The following ANKRD55 variants were observed in gnomAD, a reference collection of about 807,000 sequenced individuals.
ANKRD55 encodes ankyrin repeat domain 55.
Under a neutral mutation model 60.6 loss-of-function variants are expected in ANKRD55, and 41 were observed. The observed-to-expected ratio is 0.68, with a 90% CI of 0.53 to 0.88. The LOEUF (loss-of-function observed/expected upper bound fraction) is 0.88. Among genes scored for constraint, ANKRD55 ranks in the 40% least tolerant of loss-of-function variants. The probability of loss-of-function intolerance (pLI) is 0.00; values close to 1 mark genes in which losing one functional copy is unlikely to be tolerated. For missense variants in ANKRD55, 732 were observed against 767.6 expected (o/e 0.95, Z 0.55); for synonymous variants, 264 against 290.3 (o/e 0.91, Z 0.92).
chr5:56,199,584 TAA>T (rs199547715), intron 2 of ANKRD55, among the ~76,000 whole-genome samples: 2 of 140,070 alleles, frequency 1.4e-5, no homozygotes, highest in African/African-American at 2.6e-5. Context: ...TGTTCAAAGT[TAA>T]AAAAAAAAAA....
At chr5:56,198,276 C>A (rs1759272618) in intron 2 of ANKRD55, among the ~76,000 whole-genome samples, 1 of 151,822 alleles carries the variant, frequency 6.6e-6, no homozygotes, top group African/African-American at 2.4e-5. Context: ...ATTAATTCTG[C>A]ATCTACAATT....
chr5:56,135,293 TG>T (rs1757546681), intron 7 of ANKRD55, among the ~76,000 whole-genome samples: 6 of 74,204 alleles, frequency 8.1e-5, no homozygotes, highest in Admixed American at 5.9e-4. Flanking sequence ...CCTGCCTGCT[TG>T]CTTTCTTTCT....
chr5:56,122,088 A>G lies in ANKRD55; in HGVS notation c.797+4834T>C, dbSNP rs939794822. On this transcript the variant is annotated intron_variant, in intron 8 of 11. Coordinates refer to ENST00000341048, the MANE Select transcript of ANKRD55 (RefSeq NM_024669.3). ...CTTAGCTGAAGCATATAAAAAGTCA[A>G]CTTGCTGGGAGATAGAGTTGCATCT... Among the ~76,000 whole-genome samples, 3 of 152,218 alleles carry G rather than the reference A, an allele frequency of 2.0e-5. No individual in the cohort carries two copies. The East Asian group carries it at 5.8e-4, about 29-fold the overall frequency.
intron 11 of ANKRD55, 136 bp from the exon 12 acceptor site, chr5:56,100,440 G>A (rs1341632833): frequency 2.9e-6 from 3 of 1,031,450 alleles, no homozygotes; most frequent in Non-Finnish European, 4.3e-6. Context: ...ACTGCAGAGA[G>A]AAGCTGTGTA....
Position 56,209,621 on chromosome 5 carries a change from C to G in ANKRD55, c.58+23235G>C, listed in dbSNP as rs367920790. ...AGCTGGGACTACAGGCGCCCGCCAC[C>G]GCGCCTGGCTAATTTTTGTATTTTT... On this transcript the variant is annotated intron_variant, in intron 2 of 11. Transcript: ENST00000341048. Among the ~76,000 whole-genome samples the G allele has an allele frequency of 9.2e-5, 14 of 152,260 alleles. No individual in the cohort carries two copies. In the South Asian group the frequency reaches 2.7e-3, roughly 29 times the overall value.
At chr5:56,170,631 A>G (rs1440484088) in intron 5 of ANKRD55, 63 bp downstream of exon 5, 2 of 1,329,408 alleles carry the variant, frequency 1.5e-6, no homozygotes, top group African/African-American at 2.9e-5. Context: ...GATGGATTAG[A>G]TGACCTTCTC....
chr5:56,130,324 A>G (rs548008707), intron 7 of ANKRD55, among the ~76,000 whole-genome samples: 1 of 152,300 alleles, frequency 6.6e-6, no homozygotes, highest in East Asian at 1.9e-4. Flanking sequence ...GTTCAACTCC[A>G]TCTAGCTCTA....
At chr5:56,186,872 A>G (rs565873964) in intron 2 of ANKRD55, among the ~76,000 whole-genome samples, 1 of 152,352 alleles carries the variant, frequency 6.6e-6, no homozygotes, top group South Asian at 2.1e-4. Flanking sequence ...CCACATCCAA[A>G]GATGCTGGTG....
chr5:56,127,804 T>C (rs1580961545), intron 7 of ANKRD55, among the ~76,000 whole-genome samples: 1 of 152,220 alleles, frequency 6.6e-6, no homozygotes, highest in African/African-American at 2.4e-5. Context: ...ACTGGTTACA[T>C]ATCCATAAAG....
chr5:56,136,528 T>C (rs926374778), intron 7 of ANKRD55, among the ~76,000 whole-genome samples: 3 of 152,214 alleles, frequency 2.0e-5, no homozygotes, highest in Admixed American at 6.5e-5. Context: ...CAAATGGTGC[T>C]GAAACAACTG....
chr5:56,201,418 T>C (rs577139757), intron 2 of ANKRD55, among the ~76,000 whole-genome samples: 1 of 152,222 alleles, frequency 6.6e-6, no homozygotes, highest in South Asian at 2.1e-4. Flanking sequence ...CTGGCTGGCA[T>C]TGAAACAAAA....
intron 2 of ANKRD55, among the ~76,000 whole-genome samples, chr5:56,202,260 A>G (rs1397233727): frequency 2.0e-5 from 3 of 152,142 alleles, no homozygotes; most frequent in African/African-American, 7.2e-5. Context: ...ACATTTACCT[A>G]TGTAACAAAC....
chr5:56,192,637 G>A (rs1411294708), intron 2 of ANKRD55: 1 of 827,344 alleles, frequency 1.2e-6, no homozygotes, highest in African/African-American at 1.7e-5. Flanking sequence ...TTAGTATTTT[G>A]TTGGGAGAAG....
intron 1 of ANKRD55, 62 bp from the exon 2 acceptor site, chr5:56,233,008 G>C: frequency 8.5e-7 from 1 of 1,176,612 alleles, no homozygotes; most frequent in East Asian, 2.4e-5. Flanking sequence ...AGGCAGCATC[G>C]TTTGCCAAGA....
intron 2 of ANKRD55, among the ~76,000 whole-genome samples, chr5:56,201,308 C>G (rs951164062): frequency 1.3e-5 from 2 of 152,168 alleles, no homozygotes; most frequent in Admixed American, 1.3e-4. Flanking sequence ...AACATTGCCA[C>G]CCACTGGTAA....
At chr5:56,141,707 C>T (rs1385169573) in intron 7 of ANKRD55, among the ~76,000 whole-genome samples, 1 of 151,958 alleles carries the variant, frequency 6.6e-6, no homozygotes, top group East Asian at 1.9e-4. Flanking sequence ...TCATCCTTTG[C>T]TATATAATTT....
chr5:56,166,152 T>TCC lies in ANKRD55; in HGVS notation c.422+4541_422+4542insGG, dbSNP rs1561277846. Among the ~76,000 whole-genome samples the TCC allele has an allele frequency of 1.0e-4, 10 of 98,352 alleles. 1 individual carries two copies. Among genetic ancestry groups the TCC allele is most frequent in the East Asian group, 3.0e-4 (1 of 3,302 alleles). 64.5% of individuals were successfully genotyped at this position (98,352 alleles called of 152,430 possible). The stretch of plus-strand genomic sequence containing the variant: ...TTTCTTTCTTTCTTTCTTTCTTTCT[T>TCC]TCTTCTTTCCTTCCTTCCTTCCTTC... On this transcript the variant is annotated intron_variant, in intron 5 of 11. Coordinates refer to ENST00000341048, the MANE Select transcript of ANKRD55 (RefSeq NM_024669.3).
rs763859759 is a variant in ANKRD55 at position 56,111,141 on chromosome 5, C to T, written c.1607G>A (p.Arg536His). ...HQEVSVPPHL[R>H]HLHNPSSGQN... ...ACCTGATGATGGATTATGTAGATGGCGAAGGTGTGGTGGCACGGAGACCTC... is the reference window on the plus strand; with the variant it reads ...ACCTGATGATGGATTATGTAGATGGTGAAGGTGTGGTGGCACGGAGACCTC... The change falls in exon 10 of 12, where the codon CGC becomes CAC. Residue 536 changes from arginine to histidine, a missense_variant. Around this residue, in one of 3 missense-constraint regions of ANKRD55, gnomAD observed 597 missense variants for 607.5 expected, o/e 0.98. Coordinates refer to ENST00000341048, the MANE Select transcript of ANKRD55 (RefSeq NM_024669.3). 29 of 1,613,450 alleles carry T rather than the reference C, an allele frequency of 1.8e-5. No individual in the cohort carries two copies. Among genetic ancestry groups the T allele is most frequent in the Middle Eastern group, 1.6e-4 (1 of 6,078 alleles).
rs79959457 is a variant in ANKRD55 at position 56,111,139 on chromosome 5, G to A, written c.1609C>T (p.His537Tyr). The change falls in exon 10 of 12, where the codon CAT (histidine) becomes TAT (tyrosine). Residue 537 changes from histidine (H) to tyrosine (Y), a missense_variant. Physicochemically the swap from His to Tyr is moderately conservative, Grantham distance 83. Around this residue, in one of 3 missense-constraint regions of ANKRD55, gnomAD observed 597 missense variants for 607.5 expected, o/e 0.98. Transcript: ENST00000341048. ...QEVSVPPHLRHLHNPSSGQNF... is the reference protein window; with the variant it reads ...QEVSVPPHLRYLHNPSSGQNF... Reference sequence around the variant, plus strand: ...TTACCTGATGATGGATTATGTAGATGGCGAAGGTGTGGTGGCACGGAGACC... The same window carrying A: ...TTACCTGATGATGGATTATGTAGATAGCGAAGGTGTGGTGGCACGGAGACC... 180 of 1,613,834 alleles carry A rather than the reference G, an allele frequency of 1.1e-4. No individual in the cohort carries two copies. The African/African-American group carries it at 1.8e-3, about 16-fold the overall frequency.
Sources: allele counts gnomAD v4.1 joint callset (sites outside exome capture counted in the v4.1 genomes callset), GRCh38; gene constraint gnomAD v4.1.1; regional missense constraint gnomAD v4.1.1; transcripts MANE v1.5; gene names NCBI Gene and HGNC (gene_info 2026-07-23, HGNC 2026-07-21).